TLK2: variants seen among roughly 807,000 people sequenced by gnomAD.
TLK2 encodes serine/threonine-protein kinase tousled-like 2.
In TLK2, 6 loss-of-function variants were observed where a neutral mutation model predicts 117.3. The ratio of observed to expected loss-of-function variants is 0.05; its 90% CI spans 0.03 to 0.10. TLK2 has a LOEUF of 0.10. Ranked by LOEUF, TLK2 falls within the 10% of genes least tolerant of loss-of-function variation. The pLI, the probability that TLK2 is intolerant of heterozygous loss-of-function variation, is 1.00. For synonymous variants in TLK2, 257 were observed against 316.7 expected (o/e 0.81, Z 2.00); for missense variants, 299 against 901.2 (o/e 0.33, Z 8.56).
intron 6 of TLK2, 116 bp from the exon 7 acceptor site, chr17:62,536,054 C>A (rs2077092851): frequency 6.4e-6 from 8 of 1,248,824 alleles, no homozygotes. Flanking sequence ...TTAGAGAGGC[C>A]TTTTTAAATA....
chr17:62,526,741 C>T (rs1250554806), intron 6 of TLK2, among the ~76,000 whole-genome samples: 1 of 152,164 alleles, frequency 6.6e-6, no homozygotes, highest in African/African-American at 2.4e-5. Flanking sequence ...CAGCCTCATG[C>T]CCCAAATGTA....
At chr17:62,577,266 A>G (rs1253249361) in intron 13 of TLK2, among the ~76,000 whole-genome samples, 2 of 151,944 alleles carry the variant, frequency 1.3e-5, no homozygotes, top group Non-Finnish European at 2.9e-5. Context: ...TGCCTGGCCT[A>G]TCTTTGCATT....
At chr17:62,500,386 G>C (rs1026345050) in intron 2 of TLK2, among the ~76,000 whole-genome samples, 12 of 152,144 alleles carry the variant, frequency 7.9e-5, no homozygotes, top group Non-Finnish European at 1.5e-4. Flanking sequence ...AATATTGCTA[G>C]GAGTAATGAA....
intron 17 of TLK2, chr17:62,600,308 A>G (rs2082782936): frequency 5.8e-6 from 1 of 171,778 alleles, no homozygotes; most frequent in South Asian, 1.9e-4. Flanking sequence ...GATGTGTGGC[A>G]TGGGTGTGTA....
chr17:62,476,129 A>G (rs924494112), upstream of TLK2, among the ~76,000 whole-genome samples: 1 of 152,014 alleles, frequency 6.6e-6, no homozygotes, highest in African/African-American at 2.4e-5. Context: ...ACAGGTACGT[A>G]CCACTATGCC....
intron 13 of TLK2, among the ~76,000 whole-genome samples, chr17:62,577,343 T>G (rs546762705): frequency 6.6e-6 from 1 of 152,186 alleles, no homozygotes; most frequent in Admixed American, 6.6e-5. Flanking sequence ...CAGATAATTC[T>G]GTACACATCA....
intron 16 of TLK2, among the ~76,000 whole-genome samples, chr17:62,593,124 G>T (rs535583384): frequency 6.6e-6 from 1 of 152,330 alleles, no homozygotes; most frequent in East Asian, 1.9e-4. Flanking sequence ...CTGGGTTGGG[G>T]ACCCCTGCTA....
chr17:62,564,635 G>A (rs1372455184), intron 10 of TLK2, among the ~76,000 whole-genome samples: 1 of 151,766 alleles, frequency 6.6e-6, no homozygotes, highest in Admixed American at 6.6e-5. Flanking sequence ...TTGAACCCGG[G>A]AAGAAGAGGC....
At chr17:62,486,584 C>A (rs1291980557) in intron 2 of TLK2, among the ~76,000 whole-genome samples, 2 of 152,180 alleles carry the variant, frequency 1.3e-5, no homozygotes, top group African/African-American at 4.8e-5. Context: ...ATATTTCACA[C>A]CCTGCTCCCT....
At chr17:62,552,501 T>C (rs2078545076) in intron 8 of TLK2, 104 bp downstream of exon 8, 1 of 1,554,418 alleles carries the variant, frequency 6.4e-7, no homozygotes, top group South Asian at 1.2e-5. Flanking sequence ...TGTATTTCTC[T>C]GACCACCTCA....
At chr17:62,576,599 T>G in intron 12 of TLK2, 110 bp from the exon 13 acceptor site, 1 of 847,518 alleles carries the variant, frequency 1.2e-6, no homozygotes, top group Non-Finnish European at 2.0e-6. Context: ...TCAGTCATTT[T>G]AACTGAGACT....
Position 62,508,169 on chromosome 17 carries a change from T to TG in TLK2, c.82-12604_82-12603insG, listed in dbSNP as rs150600274. ...CCAGTAAATTAAAAAAATTTCCTAGTTTTTTTTTTTTTTTTTTTGAGTCTG... is the reference window on the plus strand; with the variant it reads ...CCAGTAAATTAAAAAAATTTCCTAGTGTTTTTTTTTTTTTTTTTTGAGTCTG... On this transcript the variant is annotated intron_variant, in intron 2 of 21. Coordinates refer to ENST00000346027, the MANE Select transcript of TLK2 (RefSeq NM_006852.6). Among the ~76,000 whole-genome samples, 7 of 3,874 alleles carry TG rather than the reference T, an allele frequency of 1.8e-3. No homozygotes were observed. In the Non-Finnish European group the frequency reaches 0.023, roughly 13 times the overall value. 2.5% of individuals were successfully genotyped at this position (3,874 alleles called of 152,430 possible). A position where few individuals can be genotyped will look rare whatever the true frequency, so the allele number is the denominator to read the frequency against.
chr17:62,546,341 A>ATTTTTTTTTTTTTTTTTTTTTTT (rs1385208928), intron 7 of TLK2, among the ~76,000 whole-genome samples: 1 of 8,866 alleles, frequency 1.1e-4, no homozygotes, highest in Non-Finnish European at 4.1e-4. Flanking sequence ...GAGTTTGTTG[A>ATTTTTTTTTTTTTTTTTTTTTTT]TTGTTTTTTT....
In TLK2 at chr17:62,486,481, CCT is replaced by C. The variant is rs1314763389; in HGVS notation, c.81+5278_81+5279del. Reference sequence around the variant, plus strand: ...GGCCTGTCCTACCTCTTTTTAAAGACCTCTTCCTGTAAGCACTGGATGATCTA... The same window carrying C: ...GGCCTGTCCTACCTCTTTTTAAAGACCTTCCTGTAAGCACTGGATGATCTA... On this transcript the variant is annotated intron_variant, in intron 2 of 21. Transcript: ENST00000346027. Among the ~76,000 whole-genome samples the C allele has an allele frequency of 3.3e-5, 5 of 152,130 alleles. No individual in the cohort carries two copies. In the South Asian group the frequency reaches 1.0e-3, roughly 32 times the overall value.
chr17:62,525,655 G>T (rs1230719480), intron 6 of TLK2, among the ~76,000 whole-genome samples: 1 of 151,962 alleles, frequency 6.6e-6, no homozygotes, highest in African/African-American at 2.4e-5. Context: ...TCACCATATT[G>T]CCCAGGCTGG....
intron 2 of TLK2, among the ~76,000 whole-genome samples, chr17:62,499,632 C>CTGAT (rs1161476837): frequency 6.6e-6 from 1 of 151,896 alleles, no homozygotes; most frequent in Non-Finnish European, 1.5e-5. Flanking sequence ...GGCGGATTGC[C>CTGAT]TGAGCTCAGG....
At chr17:62,498,406 T>C (rs889810483) in intron 2 of TLK2, among the ~76,000 whole-genome samples, 41 of 151,564 alleles carry the variant, frequency 2.7e-4, no homozygotes, top group African/African-American at 9.7e-4. Context: ...TTTTTTTTTT[T>C]TGAGACAAAG....
intron 18 of TLK2, among the ~76,000 whole-genome samples, chr17:62,601,297 G>A (rs1457214841): frequency 6.6e-6 from 1 of 152,166 alleles, no homozygotes; most frequent in Non-Finnish European, 1.5e-5. Flanking sequence ...GTACAGGGCA[G>A]CTAGAGTCCT....
At chr17:62,593,029 T>C (rs1275548732) in intron 16 of TLK2, among the ~76,000 whole-genome samples, 1 of 152,226 alleles carries the variant, frequency 6.6e-6, no homozygotes, top group Non-Finnish European at 1.5e-5. Context: ...GGGGAGCAGC[T>C]GTAAACACAG....
Sources: allele counts gnomAD v4.1 joint callset (sites outside exome capture counted in the v4.1 genomes callset), GRCh38; gene constraint gnomAD v4.1.1; transcripts MANE v1.5; gene names NCBI Gene and HGNC (gene_info 2026-07-23, HGNC 2026-07-21).